Variants in PAK2 observed in about 807,000 individuals in gnomAD.
PAK2 encodes the protein serine/threonine-protein kinase PAK 2.
Under a neutral mutation model 65.9 loss-of-function variants are expected in PAK2, and 21 were observed. The ratio of observed to expected loss-of-function variants is 0.32; its 90% CI spans 0.23 to 0.46. The LOEUF is 0.46. Ranked by LOEUF, PAK2 falls within the 20% of genes least tolerant of loss-of-function variation. The pLI is 1.00. For missense variants in PAK2, 324 were observed against 642.6 expected, an observed-to-expected ratio of 0.50 and a Z score of 5.36; for synonymous variants, 204 against 219.7, an observed-to-expected ratio of 0.93 and a Z score of 0.63.
chr3:196,815,463 T>G (rs1439586487), intron 11 of PAK2, among the ~76,000 whole-genome samples: 6 of 140,888 alleles, frequency 4.3e-5, no homozygotes, highest in Non-Finnish European at 6.1e-5. Flanking sequence ...CCGCACTCCA[T>G]CCTGGGCAAC....
At chr3:196,819,782 C>T (rs1711591785) in intron 12 of PAK2, among the ~76,000 whole-genome samples, 1 of 152,142 alleles carries the variant, frequency 6.6e-6, no homozygotes, top group Admixed American at 6.5e-5. Context: ...CTGGTGGCGA[C>T]CTTAGGCTCT....
At chr3:196,810,854 T>C (rs1282950461) in intron 8 of PAK2, among the ~76,000 whole-genome samples, 1 of 152,088 alleles carries the variant, frequency 6.6e-6, no homozygotes, top group African/African-American at 2.4e-5. Context: ...GCAATGACTG[T>C]GTATCATTAT....
chr3:196,804,823 A>G (rs894250385), intron 4 of PAK2, among the ~76,000 whole-genome samples: 1 of 10,356 alleles, frequency 9.7e-5, no homozygotes, highest in Non-Finnish European at 1.7e-4. Flanking sequence ...ATATATATAT[A>G]TACACATATA....
intron 13 of PAK2, among the ~76,000 whole-genome samples, chr3:196,821,361 A>G (rs1036210399): frequency 2.0e-5 from 3 of 151,858 alleles, no homozygotes; most frequent in Admixed American, 6.6e-5. Flanking sequence ...CCACAACAGG[A>G]TAACACTTCA....
chr3:196,828,394 A>T lies in PAK2; in HGVS notation c.1564A>T (p.Ser522Cys). 38 of 1,589,378 alleles carry T rather than the reference A, an allele frequency of 2.4e-5. No homozygotes were observed. The highest frequency in any genetic ancestry group is 3.3e-5 in the Non-Finnish European group (38 of 1,158,274). Residue 522 changes from serine (S) to cysteine (C), a missense_variant, in exon 15 of 15, where the codon AGT becomes TGT. By Grantham distance (112) the Ser-to-Cys change is moderately radical (BLOSUM62 -1). Around this residue, in one of 5 missense-constraint regions of PAK2, gnomAD observed 43 missense variants for 67.6 expected, o/e 0.64. Transcript: ENST00000327134. ...LIMAAKEAMK[S>C]NR is the part of the protein sequence containing the mutation. ...CATGGCAGCTAAAGAAGCAATGAAG[A>T]GTAACCGTTAACATCACTGCTGTGG...
rs1406394993 is a variant in PAK2, at chr3:196,762,189, C to T, written c.-21-20437C>T. Among the ~76,000 whole-genome samples the T allele has an allele frequency of 2.9e-5, 3 of 103,344 alleles. 1 individual carries two copies. The highest frequency in any genetic ancestry group is 9.2e-5 in the Admixed American group (1 of 10,848). 67.8% of individuals were successfully genotyped at this position (103,344 alleles called of 152,430 possible). On this transcript the variant is annotated intron_variant, in intron 1 of 14. Coordinates refer to ENST00000327134, the MANE Select transcript of PAK2 (RefSeq NM_002577.4). ...CTTCCTAGATGGGATGGTGGCCGGGCGCAGACGCTCCTCACTTTCCAGACT... is the reference window on the plus strand; with the variant it reads ...CTTCCTAGATGGGATGGTGGCCGGGTGCAGACGCTCCTCACTTTCCAGACT...
At position 196,820,987 on chromosome 3, in the gene PAK2, G is replaced by T. The variant is rs1030535303; in HGVS notation, c.1350+420G>T. On this transcript the variant is annotated intron_variant, in intron 13 of 14. Coordinates refer to ENST00000327134, the MANE Select transcript of PAK2 (RefSeq NM_002577.4). This position sits in a 1 kb window ranked among gnomAD's most constrained non-coding sequence, Gnocchi z 4.6. ...CCTGAGTAGCTGGGACTATGGGTGC[G>T]TGCCACCACACCCAGCTGATTTTTG... Among the ~76,000 whole-genome samples the T allele has an allele frequency of 6.6e-6, 1 of 151,962 alleles. No individual in the cohort carries two copies. Among genetic ancestry groups the T allele is most frequent in the African/African-American group, 2.4e-5 (1 of 41,378 alleles).
intron 2 of PAK2, among the ~76,000 whole-genome samples, chr3:196,796,773 C>G: frequency 6.6e-6 from 1 of 152,078 alleles, no homozygotes; most frequent in Non-Finnish European, 1.5e-5. Flanking sequence ...TAAAAGAAAC[C>G]TGGACTGGCT....
rs184908325 is a variant in PAK2, at chr3:196,786,000, C to T, written c.187+3167C>T. The stretch of plus-strand genomic sequence containing the variant: ...TTTTCTACTTGGTGGTTAGCTTTTT[C>T]GTTTTCTATTAATAAACATTCCTTG... On this transcript the variant is annotated intron_variant, in intron 2 of 14. Transcript: ENST00000327134. Among the ~76,000 whole-genome samples, 138 of 152,176 alleles carry T rather than the reference C, an allele frequency of 9.1e-4. 3 individuals are homozygous for T. In the East Asian group the frequency reaches 0.022, roughly 25 times the overall value.
chr3:196,816,454 G>A (rs941620469), intron 11 of PAK2, among the ~76,000 whole-genome samples: 6 of 151,976 alleles, frequency 3.9e-5, no homozygotes, highest in Non-Finnish European at 8.8e-5. Flanking sequence ...ACTTAATTTT[G>A]TTTTTTCTAA....
chr3:196,814,745 C>T (rs1022131175), intron 11 of PAK2, among the ~76,000 whole-genome samples, 177 bp downstream of exon 11: 3 of 152,122 alleles, frequency 2.0e-5, no homozygotes, highest in Non-Finnish European at 4.4e-5. Context: ...TCAGCCCTTT[C>T]CTTCAGGTAT....
At chr3:196,751,418 T>A (rs1213609659) in intron 1 of PAK2, among the ~76,000 whole-genome samples, 1 of 151,614 alleles carries the variant, frequency 6.6e-6, no homozygotes, top group African/African-American at 2.4e-5. Flanking sequence ...GAGGGCAAGG[T>A]GGGTAGATTG....
intron 2 of PAK2, among the ~76,000 whole-genome samples, chr3:196,787,755 G>A (rs996559628): frequency 2.0e-5 from 3 of 152,122 alleles, no homozygotes; most frequent in African/African-American, 7.2e-5. Flanking sequence ...TGGAATGTTT[G>A]GAGGGTAGGA....
intron 1 of PAK2, among the ~76,000 whole-genome samples, chr3:196,763,918 C>G (rs1441264238): frequency 1.3e-5 from 2 of 151,800 alleles, no homozygotes; most frequent in Non-Finnish European, 2.9e-5. Context: ...CCTGCCTCAG[C>G]CTCCAGAGTA....
chr3:196,750,153 A>G (rs1346146798), intron 1 of PAK2, among the ~76,000 whole-genome samples: 1 of 151,668 alleles, frequency 6.6e-6, no homozygotes, highest in East Asian at 1.9e-4. Flanking sequence ...CGCCTGGCTA[A>G]TTTTTTGTAT....
Position 196,806,689 on chromosome 3 carries a change from G to A in PAK2, c.576+3G>A. ...CGCGACCGGATCATACGAAATCAGTGAGTCTCCATCGGTGATCTAGGCTGT... is the reference window on the plus strand; with the variant it reads ...CGCGACCGGATCATACGAAATCAGTAAGTCTCCATCGGTGATCTAGGCTGT... On this transcript the variant is annotated splice_donor_region_variant and intron_variant, in intron 6 of 14. Transcript: ENST00000327134. 6.5e-7 allele frequency: 1 copy of A among 1,538,822 alleles called. No homozygotes were observed. The highest frequency in any genetic ancestry group is 9.0e-7 in the Non-Finnish European group (1 of 1,111,486).
chr3:196,768,610 C>G lies in PAK2; in HGVS notation c.-21-14016C>G, dbSNP rs1413365768. On this transcript the variant is annotated intron_variant, in intron 1 of 14. Coordinates refer to ENST00000327134, the MANE Select transcript of PAK2 (RefSeq NM_002577.4). ...GCTCAAGTGATCTTCCTGCCTCAGCCTCCCAAGTAGCTGAGATTACAAGTG... is the reference window on the plus strand; with the variant it reads ...GCTCAAGTGATCTTCCTGCCTCAGCGTCCCAAGTAGCTGAGATTACAAGTG... Among the ~76,000 whole-genome samples the G allele has an allele frequency of 3.3e-5, 5 of 151,920 alleles. No homozygotes were observed. The East Asian group carries it at 9.6e-4, about 29-fold the overall frequency.
At chr3:196,744,531 C>T (rs1424263396) in intron 1 of PAK2, among the ~76,000 whole-genome samples, 1 of 152,172 alleles carries the variant, frequency 6.6e-6, no homozygotes, top group African/African-American at 2.4e-5. Context: ...GAGCAAGACC[C>T]TGTCTTATAA....
At chr3:196,814,269 A>G (rs543981988) in intron 10 of PAK2, among the ~76,000 whole-genome samples, 182 bp from the exon 11 acceptor site, 2 of 152,240 alleles carry the variant, frequency 1.3e-5, no homozygotes, top group South Asian at 4.1e-4. Context: ...ATGATTCAGG[A>G]TCATAACTTC....
Sources: allele counts gnomAD v4.1 joint callset (sites outside exome capture counted in the v4.1 genomes callset), GRCh38; gene constraint gnomAD v4.1.1; regional missense constraint gnomAD v4.1.1; non-coding constraint Gnocchi (gnomAD v3.1); transcripts MANE v1.5; gene names NCBI Gene and HGNC (gene_info 2026-07-23, HGNC 2026-07-21).